The following TRIM6 variants were observed in gnomAD, a reference collection of about 807,000 sequenced individuals.
TRIM6 encodes the protein tripartite motif containing 6, also known as tripartite motif-containing protein 6.
In TRIM6, 43 loss-of-function variants were observed where a neutral mutation model predicts 51.2. The ratio of observed to expected loss-of-function variants is 0.84; its 90% CI spans 0.66 to 1.08. TRIM6 has a LOEUF of 1.08. Among genes scored for constraint, TRIM6 ranks in the 50% least tolerant of loss-of-function variants. The pLI, the probability that TRIM6 is intolerant of heterozygous loss-of-function variation, is 0.00. For synonymous variants in TRIM6, 215 were observed against 232.4 expected, an observed-to-expected ratio of 0.93 and a Z score of 0.68; for missense variants, 669 against 619.0, an observed-to-expected ratio of 1.08 and a Z score of -0.86.
chr11:5,610,081 G>A, intron 5 of TRIM6, 64 bp from the exon 6 acceptor site: 8 of 1,559,066 alleles, frequency 5.1e-6, no homozygotes, highest in Non-Finnish European at 7.1e-6. Context: ...GGAGGTAAGG[G>A]AGATGGGTGG....
chr11:5,605,258 G>A, intron 3 of TRIM6, 79 bp from the exon 4 acceptor site: 1 of 1,599,992 alleles, frequency 6.3e-7, no homozygotes, highest in Non-Finnish European at 8.5e-7. Flanking sequence ...GCAGTCCTGA[G>A]CCCAACTTCC....
intron 1 of TRIM6, among the ~76,000 whole-genome samples, chr11:5,599,966 G>A (rs1271912673): frequency 6.6e-6 from 1 of 152,158 alleles, no homozygotes; most frequent in Non-Finnish European, 1.5e-5. Flanking sequence ...TGTGCTAAGT[G>A]AGATGATGTG....
At position 5,603,624 on chromosome 11, in the gene TRIM6, G is replaced by T. The variant is rs776237710; in HGVS notation, c.396G>T (p.Leu132=). ...TTTGTGCAGACCATGGAGAAAAACT[G>T]CAGCTCTTCTGTCAGGAGGATGGGA... ...AVLCADHGEK[L]QLFCQEDGKV... is the part of the protein sequence containing the mutation. The change falls in exon 2 of 8, where the codon CTG becomes CTT. Residue 132 remains leucine, a synonymous_variant. Transcript: ENST00000380097. 10 of 1,613,626 alleles carry T rather than the reference G, an allele frequency of 6.2e-6. No homozygotes were observed. The South Asian group carries it at 7.7e-5, about 12-fold the overall frequency.
intron 4 of TRIM6, 50 bp from the exon 5 acceptor site, chr11:5,608,322 A>G (rs1848345961): frequency 6.2e-7 from 1 of 1,609,602 alleles, no homozygotes; most frequent in Non-Finnish European, 8.5e-7. Flanking sequence ...AAATGTGGAT[A>G]AGGGCATGAC....
At chr11:5,604,734 C>A in intron 3 of TRIM6, 105 bp downstream of exon 3, 2 of 1,212,194 alleles carry the variant, frequency 1.6e-6, no homozygotes, top group Non-Finnish European at 2.3e-6. Flanking sequence ...GATGCCATGA[C>A]TAGAAGAGCT....
chr11:5,601,848 CTA>C (rs1219904876), intron 1 of TRIM6, among the ~76,000 whole-genome samples: 1 of 152,034 alleles, frequency 6.6e-6, no homozygotes, highest in Non-Finnish European at 1.5e-5. Context: ...TGAGAGGGCT[CTA>C]TGTGGAGCAG....
In TRIM6 at chr11:5,603,390, G is replaced by A; in HGVS notation, c.162G>A (p.Leu54=). The change falls in exon 2 of 8, where the codon CTG becomes CTA. Residue 54 remains leucine (L), a synonymous_variant. Transcript: ENST00000380097. ...PICLELLTEP[L]SIDCGHSFCQ... ...GCCTGGAGCTCCTAACAGAACCCCTGAGCATAGACTGTGGCCACAGCTTCT... is the reference window on the plus strand; with the variant it reads ...GCCTGGAGCTCCTAACAGAACCCCTAAGCATAGACTGTGGCCACAGCTTCT... The A allele has an allele frequency of 6.2e-7, 1 of 1,613,296 alleles. No individual in the cohort carries two copies. Among genetic ancestry groups the A allele is most frequent in the Non-Finnish European group, 8.5e-7 (1 of 1,179,302 alleles).
chr11:5,603,696 C>T lies in TRIM6; in HGVS notation c.468C>T (p.His156=), dbSNP rs1186859561. 30 of 1,613,374 alleles carry T rather than the reference C, an allele frequency of 1.9e-5. No homozygotes were observed. The highest frequency in any genetic ancestry group is 2.5e-5 in the Non-Finnish European group (29 of 1,179,930). ...AGCGGTCTCAGGAGCACCGTGGTCA[C>T]CACACGTTCCTCGTGGAGGAGGTTG... is the stretch of plus-strand genomic sequence containing the variant. The part of the protein sequence containing the change: ...LCERSQEHRG[H]HTFLVEEVAQ... The change falls in exon 2 of 8, where the codon CAC becomes CAT. Residue 156 remains histidine (H), a synonymous_variant. Coordinates refer to ENST00000380097, the MANE Select transcript of TRIM6 (RefSeq NM_001003818.3).
chr11:5,600,384 A>C (rs777225365), intron 1 of TRIM6, among the ~76,000 whole-genome samples: 4 of 147,608 alleles, frequency 2.7e-5, no homozygotes, highest in Non-Finnish European at 4.4e-5. Context: ...TGCTGTGAGC[A>C]TCGCTGCTGC....
chr11:5,605,487 G>A lies in TRIM6; in HGVS notation c.754G>A (p.Val252Ile), dbSNP rs1305196235. ...TATAGAAGAGGCTGAGAATGATCTG[G>A]TCCACCAGACCCAGTCGCTGCGAGA... ...RIIEEAENDL[V>I]HQTQSLRELI... Residue 252 changes from valine to isoleucine, a missense_variant, in exon 4 of 8, where the codon GTC becomes ATC. Physicochemically the swap from Val to Ile is conservative, Grantham distance 29 (BLOSUM62 3). Transcript: ENST00000380097. 6 of 1,614,202 alleles carry A rather than the reference G, an allele frequency of 3.7e-6. No homozygotes were observed. Among genetic ancestry groups the A allele is most frequent in the Admixed American group, 1.7e-5 (1 of 60,030 alleles).
At chr11:5,605,227 TG>T (rs1248194971) in intron 3 of TRIM6, 109 bp from the exon 4 acceptor site, 10 of 1,438,086 alleles carry the variant, frequency 7.0e-6, no homozygotes, top group Non-Finnish European at 9.7e-6. Context: ...TCCCTCTCCC[TG>T]GGAGGCTTGG....
At chr11:5,607,416 T>C (rs538072742) in intron 4 of TRIM6, among the ~76,000 whole-genome samples, 1 of 152,058 alleles carries the variant, frequency 6.6e-6, no homozygotes, top group East Asian at 1.9e-4. Context: ...CCAGTTTGAG[T>C]TGTGCCTCTA....
chr11:5,605,642 C>G (rs143156833), intron 4 of TRIM6, 75 bp downstream of exon 4: 1 of 1,489,402 alleles, frequency 6.7e-7, no homozygotes, highest in African/African-American at 1.4e-5. Context: ...TCTGGGACAT[C>G]AGACTACCAT....
intron 1 of TRIM6, among the ~76,000 whole-genome samples, chr11:5,598,363 C>CT (rs895687395): frequency 1.2e-4 from 19 of 152,124 alleles, no homozygotes; most frequent in African/African-American, 4.6e-4. Context: ...TCTTACAAAT[C>CT]TTTTTTCTGC....
At chr11:5,605,877 C>T (rs1848175037) in intron 4 of TRIM6, among the ~76,000 whole-genome samples, 1 of 152,176 alleles carries the variant, frequency 6.6e-6, no homozygotes, top group Admixed American at 6.5e-5. Context: ...GCACTATTTA[C>T]ATTTCTGGCT....
chr11:5,598,489 C>T (rs1847615560), intron 1 of TRIM6, among the ~76,000 whole-genome samples: 1 of 151,690 alleles, frequency 6.6e-6, no homozygotes, highest in Non-Finnish European at 1.5e-5. Flanking sequence ...TGTAATGTTA[C>T]ATACTCAAGT....
chr11:5,608,574 A>G (rs74862688), intron 5 of TRIM6, among the ~76,000 whole-genome samples, 180 bp downstream of exon 5: 1,972 of 152,212 alleles, frequency 0.013, 11 homozygotes, highest in Non-Finnish European at 0.021. Context: ...CCTCTCTGGT[A>G]GGAAAATGTG....
At position 5,596,792 on chromosome 11, in the gene TRIM6, G is replaced by T. The variant is rs1847492419; in HGVS notation, c.-106G>T. ...GAGTTTAGATAAAAGCCGAGTGAGC[G>T]CGCTCTGTTCCTTAAGATTAGTTTA... On this transcript the variant is annotated 5_prime_UTR_variant, in exon 1 of 8. Transcript: ENST00000380097. 5 of 1,575,092 alleles carry T rather than the reference G, an allele frequency of 3.2e-6. No homozygotes were observed. Among genetic ancestry groups the T allele is most frequent in the Non-Finnish European group, 4.4e-6 (5 of 1,147,932 alleles).
At chr11:5,606,417 A>C (rs1848212561) in intron 4 of TRIM6, among the ~76,000 whole-genome samples, 1 of 152,072 alleles carries the variant, frequency 6.6e-6, no homozygotes. Context: ...GGCATGATGT[A>C]GCTTGTGATA....
Sources: gnomAD v4.1 joint callset for allele counts (sites outside exome capture counted in the v4.1 genomes callset) on GRCh38, gnomAD v4.1.1 for gene constraint, MANE v1.5 for transcripts, NCBI Gene and HGNC (gene_info 2026-07-23, HGNC 2026-07-21) for gene names.